Variants in YPEL2 observed in about 807,000 individuals in gnomAD.
YPEL2 encodes the protein protein yippee-like 2.
Under a neutral mutation model 19.1 loss-of-function variants are expected in YPEL2, and 2 were observed. The ratio of observed to expected loss-of-function variants is 0.10; its 90% CI spans 0.04 to 0.33. The LOEUF is 0.33. Ranked by LOEUF, YPEL2 falls within the 10% of genes least tolerant of loss-of-function variation. The probability of loss-of-function intolerance (pLI) is 1.00; values close to 1 mark genes in which losing one functional copy is unlikely to be tolerated. For synonymous variants in YPEL2, 52 were observed against 50.0 expected (o/e 1.04, Z -0.17); for missense variants, 66 against 140.7 (o/e 0.47, Z 2.68).
chr17:59,337,183 C>CTTTTTTTTTTTTTTT (rs146083930), intron 1 of YPEL2, among the ~76,000 whole-genome samples: 2 of 136,500 alleles, frequency 1.5e-5, no homozygotes, highest in Non-Finnish European at 1.6e-5. Context: ...GGGAGAAATT[C>CTTTTTTTTTTTTTTT]TTTTTTTTTG....
intron 4 of YPEL2, among the ~76,000 whole-genome samples, chr17:59,390,023 C>G (rs1169997954): frequency 6.6e-6 from 1 of 151,970 alleles, no homozygotes; most frequent in African/African-American, 2.4e-5. Flanking sequence ...TATTTTGAGA[C>G]AGAGTTTTGG....
At chr17:59,341,742 G>A (rs1334423804) in intron 1 of YPEL2, among the ~76,000 whole-genome samples, 2 of 152,198 alleles carry the variant, frequency 1.3e-5, no homozygotes, top group African/African-American at 2.4e-5. Context: ...CGTGGTGGAA[G>A]CACTTTTAAG....
intron 4 of YPEL2, among the ~76,000 whole-genome samples, chr17:59,390,764 A>G (rs111869625): frequency 4.9e-4 from 74 of 152,300 alleles, no homozygotes; most frequent in Admixed American, 2.5e-3. Flanking sequence ...CCACATAACC[A>G]TAGACACTGC....
chr17:59,386,209 C>T (rs1369893381), intron 2 of YPEL2, among the ~76,000 whole-genome samples: 4 of 151,378 alleles, frequency 2.6e-5, no homozygotes, highest in African/African-American at 7.3e-5. Flanking sequence ...CACCTGTGGT[C>T]CCAGTTACTC....
chr17:59,339,134 G>A (rs1486827500), intron 1 of YPEL2, among the ~76,000 whole-genome samples: 1 of 94,834 alleles, frequency 1.1e-5, no homozygotes, highest in African/African-American at 4.1e-5. Flanking sequence ...CCAACGCCTT[G>A]TTTCTTCTTT....
At chr17:59,341,638 A>G (rs1326021987) in intron 1 of YPEL2, among the ~76,000 whole-genome samples, 1 of 152,228 alleles carries the variant, frequency 6.6e-6, no homozygotes, top group Admixed American at 6.5e-5. Flanking sequence ...AGCGTGGGCA[A>G]CAAGTGCGAA....
At chr17:59,388,651 C>T (rs746782752) in intron 3 of YPEL2, among the ~76,000 whole-genome samples, 1 of 152,176 alleles carries the variant, frequency 6.6e-6, no homozygotes, top group Non-Finnish European at 1.5e-5. Flanking sequence ...GAGCCTCAAC[C>T]TGAAGGGCTC....
At chr17:59,366,761 A>G (rs1315809800) in intron 2 of YPEL2, among the ~76,000 whole-genome samples, 2 of 152,238 alleles carry the variant, frequency 1.3e-5, no homozygotes, top group African/African-American at 4.8e-5. Context: ...CATGCCAGAA[A>G]CATTCACCTA....
chr17:59,345,293 A>G (rs1191742822), intron 1 of YPEL2: 3 of 152,152 alleles, frequency 2.0e-5, no homozygotes, highest in African/African-American at 7.2e-5. Context: ...GTTGAGATGA[A>G]TGGTTGTTTT....
chr17:59,388,485 CTG>C, intron 3 of YPEL2, 115 bp downstream of exon 3: 2 of 1,065,066 alleles, frequency 1.9e-6, no homozygotes, highest in African/African-American at 1.6e-5. Flanking sequence ...CAGTAAAACT[CTG>C]TGGAGCATTA....
At chr17:59,384,258 C>G (rs921128508) in intron 2 of YPEL2, among the ~76,000 whole-genome samples, 1 of 152,198 alleles carries the variant, frequency 6.6e-6, no homozygotes, top group Non-Finnish European at 1.5e-5. Context: ...CAAAGACTTT[C>G]TTCTGAATAT....
At chr17:59,340,479 G>A (rs1057144651) in intron 1 of YPEL2, among the ~76,000 whole-genome samples, 10 of 145,850 alleles carry the variant, frequency 6.9e-5, no homozygotes, top group South Asian at 4.4e-4. Context: ...GCAGTGGTGC[G>A]ATCTCAGCTC....
intron 2 of YPEL2, among the ~76,000 whole-genome samples, chr17:59,363,792 G>A (rs577338096): frequency 2.0e-5 from 3 of 152,316 alleles, no homozygotes; most frequent in South Asian, 2.1e-4. Flanking sequence ...TTTTGCTACC[G>A]CTTCGCAGTG....
Position 59,388,305 on chromosome 17 carries a change from G to A in YPEL2, c.118-22G>A, listed in dbSNP as rs767337667. 37 of 1,613,652 alleles carry A rather than the reference G, an allele frequency of 2.3e-5. 1 individual carries two copies. Among genetic ancestry groups the A allele is most frequent in the Middle Eastern group, 1.6e-4 (1 of 6,084 alleles). On this transcript the variant is annotated intron_variant, in intron 2 of 4. Transcript: ENST00000312655. Reference sequence around the variant, plus strand: ...TAGGTGAAATGGATGTCTAACTATCGATTTGTTTTCTTGCATTTCAGTCAT... The same window carrying A: ...TAGGTGAAATGGATGTCTAACTATCAATTTGTTTTCTTGCATTTCAGTCAT...
At chr17:59,360,701 T>C (rs929240446) in intron 2 of YPEL2, among the ~76,000 whole-genome samples, 1 of 149,814 alleles carries the variant, frequency 6.7e-6, no homozygotes, top group African/African-American at 2.5e-5. Flanking sequence ...GTGGTTACTT[T>C]ACAGTGTTTC....
At chr17:59,386,786 T>C (rs1436767542) in intron 2 of YPEL2, among the ~76,000 whole-genome samples, 1 of 152,192 alleles carries the variant, frequency 6.6e-6, no homozygotes, top group Non-Finnish European at 1.5e-5. Flanking sequence ...TGGAAGCTGC[T>C]ATATTCCCCA....
chr17:59,391,101 G>A (rs575273003), intron 4 of YPEL2, among the ~76,000 whole-genome samples: 1 of 152,054 alleles, frequency 6.6e-6, no homozygotes, highest in African/African-American at 2.4e-5. Flanking sequence ...GTCATTGTGA[G>A]GATACTGAAA....
rs542538633 is a variant in YPEL2, at chr17:59,394,152, C to T, written c.271-2949C>T. 6.0e-5 allele frequency among the ~76,000 whole-genome samples: 9 copies of T among 151,026 alleles called. No individual in the cohort carries two copies. The East Asian group carries it at 7.9e-4, about 13-fold the overall frequency. On this transcript the variant is annotated intron_variant, in intron 4 of 4. Transcript: ENST00000312655. ...CTGGCCAGGCGGGGGGCTGACCCCC[C>T]GACCTCCCTCCCGGACGGGGCGGCT...
chr17:59,379,961 C>A (rs185191451), intron 2 of YPEL2, among the ~76,000 whole-genome samples: 1 of 151,400 alleles, frequency 6.6e-6, no homozygotes, highest in Non-Finnish European at 1.5e-5. Context: ...CCCGGGTTCA[C>A]GTGATTTTCC....
Sources: gnomAD v4.1 joint callset for allele counts (sites outside exome capture counted in the v4.1 genomes callset) on GRCh38, gnomAD v4.1.1 for gene constraint, MANE v1.5 for transcripts, NCBI Gene and HGNC (gene_info 2026-07-23, HGNC 2026-07-21) for gene names.